LPP: variants seen among roughly 807,000 people sequenced by gnomAD.
The protein encoded by LPP is lipoma-preferred partner.
A neutral mutation model predicts 60.4 loss-of-function variants in LPP; 38 were observed. The observed-to-expected ratio is 0.63, with a 90% CI of 0.49 to 0.83. The LOEUF (loss-of-function observed/expected upper bound fraction) is 0.83. Ranked by LOEUF, LPP falls within the 40% of genes least tolerant of loss-of-function variation. The pLI is 0.00. For synonymous variants in LPP, 328 were observed against 290.8 expected (o/e 1.13, Z -1.30); for missense variants, 902 against 783.6 (o/e 1.15, Z -1.80).
chr3:188,265,304 T>C (rs115019450), intron 2 of LPP, among the ~76,000 whole-genome samples: 3,104 of 152,218 alleles, frequency 0.02, 50 homozygotes, highest in Non-Finnish European at 0.033. Flanking sequence ...TGAAGGCCTG[T>C]ATATGGAGGC....
chr3:188,777,468 G>C (rs919233273), intron 9 of LPP, among the ~76,000 whole-genome samples: 1 of 152,172 alleles, frequency 6.6e-6, no homozygotes, highest in African/African-American at 2.4e-5. Flanking sequence ...CTCACTGTTT[G>C]AATGAGATAG....
At chr3:188,221,265 G>C (rs562897738) in intron 1 of LPP, among the ~76,000 whole-genome samples, 5 of 152,114 alleles carry the variant, frequency 3.3e-5, no homozygotes, top group Non-Finnish European at 5.9e-5. Context: ...GGGTGTTCAG[G>C]CATCGTTTAG....
At chr3:188,668,714 T>G (rs1244720387) in intron 7 of LPP, among the ~76,000 whole-genome samples, 1 of 152,212 alleles carries the variant, frequency 6.6e-6, no homozygotes, top group Non-Finnish European at 1.5e-5. Context: ...TTTGCTGTTT[T>G]TCCGTGGGAC....
intron 8 of LPP, among the ~76,000 whole-genome samples, chr3:188,724,901 G>A (rs1197308149): frequency 1.3e-5 from 2 of 152,188 alleles, no homozygotes; most frequent in African/African-American, 4.8e-5. Flanking sequence ...GACTGATTTT[G>A]AAAATAAAGT....
chr3:188,364,498 T>C (rs1770532475), intron 3 of LPP, among the ~76,000 whole-genome samples: 2 of 152,336 alleles, frequency 1.3e-5, no homozygotes, highest in South Asian at 2.1e-4. Flanking sequence ...AGAAAACTTC[T>C]ATTGGAGATA....
At chr3:188,593,649 C>T (rs1284872413) in intron 6 of LPP, among the ~76,000 whole-genome samples, 5 of 152,096 alleles carry the variant, frequency 3.3e-5, no homozygotes, top group Admixed American at 1.3e-4. Flanking sequence ...TATGCCTTTG[C>T]GTCCTCATAG....
At chr3:188,185,954 C>CA (rs948207758) in intron 1 of LPP, among the ~76,000 whole-genome samples, 9 of 152,206 alleles carry the variant, frequency 5.9e-5, no homozygotes, top group African/African-American at 2.2e-4. Context: ...ATCAGGCTGA[C>CA]AACTGGCATT....
At chr3:188,240,180 A>G (rs539899244) in intron 2 of LPP, 4 of 182,934 alleles carry the variant, frequency 2.2e-5, no homozygotes, top group African/African-American at 2.3e-5. Context: ...TTATGTGTAA[A>G]TGATATCTGT....
At position 188,880,024 on chromosome 3, in the gene LPP, TTC is replaced by T. The variant is rs1262671984; in HGVS notation, c.*5547_*5548del. The T allele has an allele frequency of 6.0e-5, 8 of 133,570 alleles. No individual in the cohort carries two copies. The highest frequency in any genetic ancestry group is 2.5e-4 in the African/African-American group (8 of 31,464). The allele number at this position is 133,570 out of a possible 1,614,324, so 8.3% of individuals were successfully genotyped here. A position where few individuals can be genotyped will look rare whatever the true frequency, so the allele number is the denominator to read the frequency against. Reference sequence around the variant, plus strand: ...GAGCTGTGTGAAAGATGCGTTTTTTTTCTTTTTTTCTTTTTTTTTTTTTTGAG... The same window carrying T: ...GAGCTGTGTGAAAGATGCGTTTTTTTTTTTTTTCTTTTTTTTTTTTTTGAG... On this transcript the variant is annotated 3_prime_UTR_variant, in exon 12 of 12. Transcript: ENST00000617246.
At chr3:188,409,216 C>T (rs1279750602) in intron 4 of LPP, among the ~76,000 whole-genome samples, 1 of 152,194 alleles carries the variant, frequency 6.6e-6, no homozygotes, top group Non-Finnish European at 1.5e-5. Context: ...TTGGCTCTCT[C>T]TTGCATTTCT....
intron 6 of LPP, among the ~76,000 whole-genome samples, chr3:188,542,015 A>C (rs902182651): frequency 6.0e-4 from 92 of 152,322 alleles, no homozygotes; most frequent in African/African-American, 2.1e-3. Context: ...AAAAATTTGC[A>C]TTACCTCCCA....
intron 6 of LPP, among the ~76,000 whole-genome samples, chr3:188,581,493 C>T (rs986044660): frequency 3.9e-5 from 6 of 152,050 alleles, no homozygotes; most frequent in East Asian, 1.9e-4. Context: ...TAGAGACATT[C>T]GACTAAATGG....
In LPP at chr3:188,609,673, C is replaced by T. The variant is rs1059380; in HGVS notation, c.942C>T (p.Asp314=). The T allele has an allele frequency of 0.6, 960,741 of 1,613,744 alleles. 287,830 individuals carry two copies. The highest frequency in any genetic ancestry group is 0.7 in the African/African-American group (52,368 of 74,910). The part of the protein sequence containing the change: ...GPGYGGRNDS[D]PTYGQQGHPN... ...GCTATGGGGGCAGAAATGACTCTGA[C>T]CCTACCTATGGTCAACAAGGTCACC... The change falls in exon 7 of 12, where the codon GAC becomes GAT. Residue 314 remains aspartate (D), a synonymous_variant. Coordinates refer to ENST00000617246, the MANE Select transcript of LPP (RefSeq NM_001375462.1). The surrounding 1 kb of genome is among the most constrained non-coding windows in gnomAD (Gnocchi z 6.9).
chr3:188,753,580 C>T (rs201484383), intron 8 of LPP, among the ~76,000 whole-genome samples: 2,373 of 139,610 alleles, frequency 0.017, 35 homozygotes, highest in South Asian at 0.026. Context: ...TTGTTGTGTG[C>T]GTGTGTGTGT....
intron 7 of LPP, among the ~76,000 whole-genome samples, chr3:188,657,297 G>T (rs1853510826): frequency 1.9e-5 from 1 of 53,358 alleles, no homozygotes; most frequent in Admixed American, 2.1e-4. Context: ...AAAGCAGATA[G>T]TATAGTACAT....
intron 2 of LPP, among the ~76,000 whole-genome samples, chr3:188,272,029 C>G (rs1348700375): frequency 6.6e-6 from 1 of 152,072 alleles, no homozygotes; most frequent in Non-Finnish European, 1.5e-5. Context: ...ACACAGCCAC[C>G]AAGTCCTGGG....
intron 10 of LPP, among the ~76,000 whole-genome samples, chr3:188,869,004 C>T (rs961990834): frequency 2.6e-5 from 4 of 152,172 alleles, no homozygotes; most frequent in Non-Finnish European, 5.9e-5. Flanking sequence ...CAGGTAAGGG[C>T]TTGCACTGTC....
At chr3:188,429,343 G>GA (rs1239568751) in intron 4 of LPP, among the ~76,000 whole-genome samples, 3 of 152,054 alleles carry the variant, frequency 2.0e-5, no homozygotes, top group Non-Finnish European at 4.4e-5. Context: ...AATTTAATGA[G>GA]ATACATTGTT....
intron 9 of LPP, among the ~76,000 whole-genome samples, chr3:188,825,215 C>A (rs942475950): frequency 2.0e-5 from 3 of 150,556 alleles, no homozygotes; most frequent in African/African-American, 7.4e-5. Context: ...CTGCCTTTGT[C>A]TTTGTATAGG....
Sources: gnomAD v4.1 joint callset for allele counts (sites outside exome capture counted in the v4.1 genomes callset) on GRCh38, gnomAD v4.1.1 for gene constraint, Gnocchi (gnomAD v3.1) non-coding constraint, MANE v1.5 for transcripts, NCBI Gene and HGNC (gene_info 2026-07-23, HGNC 2026-07-21) for gene names.